CRYZL1: variants seen among roughly 807,000 people sequenced by gnomAD.
The protein encoded by CRYZL1 is crystallin zeta like 1.
A neutral mutation model predicts 50.6 loss-of-function variants in CRYZL1; 34 were observed. The observed-to-expected ratio is 0.67, with a 90% confidence interval of 0.51 to 0.89. The LOEUF (loss-of-function observed/expected upper bound fraction) is 0.89, where lower values mean the gene tolerates loss of function less well. CRYZL1 is among the 40% of genes least tolerant of loss of function. The pLI is 0.00. For missense variants in CRYZL1, 354 were observed against 402.3 expected, an observed-to-expected ratio of 0.88 and a Z score of 1.03; for synonymous variants, 125 against 134.3, an observed-to-expected ratio of 0.93 and a Z score of 0.48.
chr21:33,621,466 C>A (rs375998166), intron 4 of CRYZL1, among the ~76,000 whole-genome samples: 1 of 151,760 alleles, frequency 6.6e-6, no homozygotes, highest in African/African-American at 2.4e-5. Context: ...CTCAGCCTCC[C>A]GAGTAGCTGA....
intron 4 of CRYZL1, among the ~76,000 whole-genome samples, chr21:33,618,113 C>A (rs2086955380): frequency 6.6e-6 from 1 of 151,616 alleles, no homozygotes; most frequent in South Asian, 2.1e-4. Flanking sequence ...CACGGTGAAA[C>A]CCCATCTCTA....
At chr21:33,607,775 C>T (rs187675449) in intron 6 of CRYZL1, among the ~76,000 whole-genome samples, 140 of 152,200 alleles carry the variant, frequency 9.2e-4, no homozygotes, top group Middle Eastern at 3.4e-3. Flanking sequence ...ACAAACTTGC[C>T]GGGAAACTGA....
intron 6 of CRYZL1, among the ~76,000 whole-genome samples, chr21:33,606,300 T>A (rs1053700370): frequency 6.6e-6 from 1 of 152,202 alleles, no homozygotes; most frequent in African/African-American, 2.4e-5. Flanking sequence ...ACCATATTTT[T>A]ATTAAAAACT....
At chr21:33,631,977 A>C (rs766495609) in intron 1 of CRYZL1, among the ~76,000 whole-genome samples, 9 of 152,138 alleles carry the variant, frequency 5.9e-5, no homozygotes, top group Admixed American at 1.3e-4. Flanking sequence ...CACCGGTTGA[A>C]AATTGTGGCC....
At chr21:33,602,141 G>T in intron 8 of CRYZL1, 93 bp downstream of exon 8, 1 of 725,666 alleles carries the variant, frequency 1.4e-6, no homozygotes. Flanking sequence ...CACCTGGCCA[G>T]GGATTTTGTA....
chr21:33,605,438 C>A (rs1360250924), intron 6 of CRYZL1, among the ~76,000 whole-genome samples: 1 of 151,828 alleles, frequency 6.6e-6, no homozygotes, highest in East Asian at 1.9e-4. Context: ...CATGATCTGA[C>A]CGTGAAACTA....
At chr21:33,626,877 A>G (rs7275789) in intron 2 of CRYZL1, among the ~76,000 whole-genome samples, 120,847 of 152,000 alleles carry the variant, frequency 0.8, 48,613 homozygotes, top group African/African-American at 0.93. Flanking sequence ...ATGAAAAGCT[A>G]GCCAAGAATA....
intron 4 of CRYZL1, among the ~76,000 whole-genome samples, chr21:33,620,695 C>G (rs1327022809): frequency 6.6e-6 from 1 of 151,690 alleles, no homozygotes; most frequent in African/African-American, 2.4e-5. Flanking sequence ...GCCTGTAGCC[C>G]CAGCTACTTG....
intron 1 of CRYZL1, chr21:33,633,643 C>T (rs2145961896): frequency 6.6e-6 from 1 of 152,326 alleles, no homozygotes; most frequent in South Asian, 2.1e-4. Context: ...TTGATCTCCT[C>T]ACCTTGTGAT....
At chr21:33,622,178 G>T in intron 3 of CRYZL1, 110 bp from the exon 4 acceptor site, 2 of 852,874 alleles carry the variant, frequency 2.3e-6, no homozygotes, top group Non-Finnish European at 3.8e-6. Context: ...AGCAAATATG[G>T]TTCAAGTTTT....
At chr21:33,597,757 C>T (rs1344610250) in intron 9 of CRYZL1, among the ~76,000 whole-genome samples, 3 of 152,100 alleles carry the variant, frequency 2.0e-5, no homozygotes, top group Non-Finnish European at 4.4e-5. Context: ...GGACTACAAG[C>T]GCCGCCACCA....
intron 6 of CRYZL1, among the ~76,000 whole-genome samples, chr21:33,612,388 G>A (rs1224950534): frequency 1.3e-5 from 2 of 151,860 alleles, no homozygotes; most frequent in East Asian, 1.9e-4. Context: ...CCGGGTTCAA[G>A]TGATTCTCCT....
chr21:33,602,562 A>G (rs576720075), intron 7 of CRYZL1, among the ~76,000 whole-genome samples: 1 of 152,344 alleles, frequency 6.6e-6, no homozygotes, highest in South Asian at 2.1e-4. Flanking sequence ...GAAAAGCTGC[A>G]TGTCACACGC....
intron 5 of CRYZL1, among the ~76,000 whole-genome samples, chr21:33,616,092 C>T (rs1331088727): frequency 1.3e-5 from 2 of 151,452 alleles, no homozygotes; most frequent in African/African-American, 4.9e-5. Flanking sequence ...CCCAACCCCA[C>T]CACAGTCCCC....
intron 8 of CRYZL1, among the ~76,000 whole-genome samples, chr21:33,600,695 G>A (rs752200541): frequency 2.7e-5 from 4 of 149,634 alleles, no homozygotes; most frequent in African/African-American, 9.9e-5. Flanking sequence ...GCGCGATCTC[G>A]GCTCACTGCA....
intron 2 of CRYZL1, among the ~76,000 whole-genome samples, chr21:33,626,688 C>T (rs1280784104): frequency 1.3e-5 from 2 of 149,870 alleles, no homozygotes; most frequent in Non-Finnish European, 3.0e-5. Context: ...CAGAGCGAGA[C>T]CCTGTCTCAA....
At chr21:33,592,412 C>CTGT (rs779497048) in intron 11 of CRYZL1, among the ~76,000 whole-genome samples, 4 of 152,088 alleles carry the variant, frequency 2.6e-5, no homozygotes, top group Non-Finnish European at 4.4e-5. Flanking sequence ...GCTGGGATTA[C>CTGT]AGGCATGAGC....
At chr21:33,623,814 A>C (rs2087029353) in intron 3 of CRYZL1, among the ~76,000 whole-genome samples, 1 of 152,228 alleles carries the variant, frequency 6.6e-6, no homozygotes, top group Non-Finnish European at 1.5e-5. Context: ...TTATCATGGC[A>C]CATTTAACCA....
chr21:33,603,586 C>G, intron 6 of CRYZL1, 49 bp from the exon 7 acceptor site: 1 of 1,605,844 alleles, frequency 6.2e-7, no homozygotes, highest in Non-Finnish European at 8.5e-7. Flanking sequence ...TCCCACAAGT[C>G]CTACCTCCTG....
Sources: allele counts gnomAD v4.1 joint callset (sites outside exome capture counted in the v4.1 genomes callset), GRCh38; gene constraint gnomAD v4.1.1; transcripts MANE v1.5; gene names NCBI Gene and HGNC (gene_info 2026-07-23, HGNC 2026-07-21).